Variants in ANXA2 observed in about 807,000 individuals in gnomAD.
ANXA2 encodes annexin II.
In ANXA2, 28 loss-of-function variants were observed where a neutral mutation model predicts 47.3. That is an observed-to-expected ratio of 0.59 (90% CI 0.44 to 0.81). The LOEUF is 0.81. ANXA2 is among the 40% of genes least tolerant of loss of function. ANXA2 has a pLI of 0.00. For synonymous variants in ANXA2, 172 were observed against 155.5 expected, an observed-to-expected ratio of 1.11 and a Z score of -0.79; for missense variants, 384 against 414.3, an observed-to-expected ratio of 0.93 and a Z score of 0.64.
At chr15:60,393,012 C>A in intron 1 of ANXA2, 1 of 1,284,114 alleles carries the variant, frequency 7.8e-7, no homozygotes, top group Non-Finnish European at 1.0e-6. Flanking sequence ...CCTCCACCCA[C>A]CTACTGCATC....
At chr15:60,388,521 T>G (rs531906083) in intron 1 of ANXA2, among the ~76,000 whole-genome samples, 6 of 152,182 alleles carry the variant, frequency 3.9e-5, no homozygotes, top group Non-Finnish European at 7.4e-5. Context: ...GATCATATAT[T>G]ACAATTACAA....
At chr15:60,350,811 G>A (rs529763761) in intron 11 of ANXA2, among the ~76,000 whole-genome samples, 3 of 152,222 alleles carry the variant, frequency 2.0e-5, no homozygotes, top group East Asian at 3.9e-4. Flanking sequence ...ATGATTTAAG[G>A]TAAAATAGTA....
intron 3 of ANXA2, among the ~76,000 whole-genome samples, chr15:60,377,198 A>T (rs2140895303): frequency 6.6e-6 from 1 of 152,344 alleles, no homozygotes; most frequent in Admixed American, 6.5e-5. Context: ...TAAAAAAAGA[A>T]GGTAAGATCT....
intron 1 of ANXA2, chr15:60,393,010 C>A: frequency 7.8e-7 from 1 of 1,283,142 alleles, no homozygotes; most frequent in Non-Finnish European, 1.0e-6. Context: ...ATCCTCCACC[C>A]ACCTACTGCA....
intron 3 of ANXA2, among the ~76,000 whole-genome samples, chr15:60,368,316 A>AAAAAAAAAATAAAT (rs1555401433): frequency 8.8e-6 from 1 of 113,980 alleles, no homozygotes; most frequent in Admixed American, 9.1e-5. Flanking sequence ...AATAAAAAAA[A>AAAAAAAAAATAAAT]AAAATAAAAT....
At chr15:60,360,008 G>A (rs572995409) in intron 5 of ANXA2, among the ~76,000 whole-genome samples, 1 of 152,190 alleles carries the variant, frequency 6.6e-6, no homozygotes, top group Non-Finnish European at 1.5e-5. Flanking sequence ...TGTAATCCTA[G>A]CACTTTGGGA....
intron 2 of ANXA2, chr15:60,384,597 A>C (rs1371011884): frequency 6.6e-6 from 1 of 152,376 alleles, no homozygotes; most frequent in East Asian, 1.9e-4. Flanking sequence ...AGTCCATTAG[A>C]GAAACAAATT....
At chr15:60,386,129 C>T (rs11858864) in intron 1 of ANXA2, 43 bp from the exon 2 acceptor site, 1,138,464 of 1,378,908 alleles carry the variant, frequency 0.83, 472,790 homozygotes, top group East Asian at 1. Flanking sequence ...AAGAGGCTCT[C>T]CTTTACTCTG....
chr15:60,347,897 T>C (rs1046059612), intron 12 of ANXA2, among the ~76,000 whole-genome samples: 3 of 152,102 alleles, frequency 2.0e-5, no homozygotes, highest in African/African-American at 7.2e-5. Context: ...GAGGAGGTGC[T>C]GGGGAAGACA....
intron 3 of ANXA2, among the ~76,000 whole-genome samples, chr15:60,376,676 G>A (rs1015744397): frequency 3.3e-5 from 5 of 152,186 alleles, no homozygotes; most frequent in African/African-American, 9.6e-5. Context: ...AGAAGAGCAG[G>A]TGTGACTGAC....
chr15:60,353,660 G>C (rs2062382157), intron 8 of ANXA2, among the ~76,000 whole-genome samples: 1 of 152,128 alleles, frequency 6.6e-6, no homozygotes, highest in Non-Finnish European at 1.5e-5. Flanking sequence ...CTGAGTGTGG[G>C]CTAGACTCAG....
intron 3 of ANXA2, among the ~76,000 whole-genome samples, chr15:60,378,649 T>TA (rs2062813385): frequency 6.6e-6 from 1 of 152,186 alleles, no homozygotes; most frequent in Non-Finnish European, 1.5e-5. Flanking sequence ...AAAACCTACT[T>TA]ACTCTCTAAA....
intron 6 of ANXA2, among the ~76,000 whole-genome samples, chr15:60,356,400 C>T (rs954818940): frequency 3.3e-5 from 5 of 151,952 alleles, no homozygotes; most frequent in South Asian, 4.2e-4. Flanking sequence ...AAATGCACAG[C>T]GGCAAAAACT....
At chr15:60,348,867 A>G (rs2035295017) in intron 12 of ANXA2, among the ~76,000 whole-genome samples, 1 of 152,212 alleles carries the variant, frequency 6.6e-6, no homozygotes, top group African/African-American at 2.4e-5. Context: ...TGTGAAAAAT[A>G]TAAAACATCT....
intron 3 of ANXA2, chr15:60,374,553 A>G (rs930176983): frequency 2.2e-6 from 1 of 455,948 alleles, no homozygotes; most frequent in Non-Finnish European, 4.4e-6. Flanking sequence ...CTCAGGGAAA[A>G]GAGCTAACTG....
intron 8 of ANXA2, 24 bp downstream of exon 8, chr15:60,354,130 C>G: frequency 1.2e-6 from 2 of 1,609,310 alleles, no homozygotes; most frequent in Admixed American, 3.4e-5. Flanking sequence ...AACAAAAACT[C>G]AAAGCAAAAA....
rs1555401433 is a variant in ANXA2, at chr15:60,368,316, A to AAAAAAAAAAAAAAT, written c.149-3794_149-3793insATTTTTTTTTTTTT. Among the ~76,000 whole-genome samples, 10 of 113,978 alleles carry AAAAAAAAAAAAAAT rather than the reference A, an allele frequency of 8.8e-5. No individual in the cohort carries two copies. The Admixed American group carries it at 9.1e-4, about 10-fold the overall frequency. 74.8% of individuals were successfully genotyped at this position (113,978 alleles called of 152,430 possible). A position where few individuals can be genotyped will look rare whatever the true frequency, so the allele number is the denominator to read the frequency against. The stretch of plus-strand genomic sequence containing the variant: ...CACCCAAGAATGATCAATAAAAAAA[A>AAAAAAAAAAAAAAT]AAAATAAAATAAAATAAAATAAAAT... On this transcript the variant is annotated intron_variant, in intron 3 of 12. Coordinates refer to ENST00000451270, the MANE Select transcript of ANXA2 (RefSeq NM_004039.3).
chr15:60,380,110 A>G (rs532507218), intron 3 of ANXA2, among the ~76,000 whole-genome samples: 1 of 152,342 alleles, frequency 6.6e-6, no homozygotes, highest in African/African-American at 2.4e-5. Context: ...GTTTTAGGAA[A>G]GCAAACCACA....
intron 1 of ANXA2, among the ~76,000 whole-genome samples, chr15:60,392,321 T>C (rs2140939507): frequency 6.6e-6 from 1 of 152,150 alleles, no homozygotes; most frequent in East Asian, 1.9e-4. Context: ...TTTAGGTTGG[T>C]GCAAAAATAA....
Sources: allele counts gnomAD v4.1 joint callset (sites outside exome capture counted in the v4.1 genomes callset), GRCh38; gene constraint gnomAD v4.1.1; transcripts MANE v1.5; gene names NCBI Gene and HGNC (gene_info 2026-07-23, HGNC 2026-07-21).